STXBP5L: variants seen among roughly 807,000 people sequenced by gnomAD.
STXBP5L encodes the protein syntaxin binding protein 5L, also known as syntaxin-binding protein 5-like.
In STXBP5L, 65 loss-of-function variants were observed where a neutral mutation model predicts 144.5. The ratio of observed to expected loss-of-function variants is 0.45; its 90% CI spans 0.37 to 0.55. The LOEUF is 0.55. STXBP5L is among the 20% of genes least tolerant of loss of function. STXBP5L has a pLI of 0.00. For synonymous variants in STXBP5L, 505 were observed against 469.6 expected (o/e 1.08, Z -0.97); for missense variants, 1,298 against 1,405.5 (o/e 0.92, Z 1.22).
intron 3 of STXBP5L, among the ~76,000 whole-genome samples, chr3:120,984,275 C>T (rs758295618): frequency 2.0e-5 from 3 of 152,170 alleles, no homozygotes; most frequent in Admixed American, 6.5e-5. Context: ...TTTTCTTTTA[C>T]CAGTAATGGC....
At chr3:121,234,371 T>C (rs1577269514) in intron 12 of STXBP5L, among the ~76,000 whole-genome samples, 1 of 152,314 alleles carries the variant, frequency 6.6e-6, no homozygotes, top group Middle Eastern at 3.4e-3. Context: ...TTCTTATTAA[T>C]ATCTGTAAGA....
chr3:121,368,246 C>G (rs755398276), intron 20 of STXBP5L, among the ~76,000 whole-genome samples: 4 of 152,056 alleles, frequency 2.6e-5, no homozygotes, highest in Non-Finnish European at 5.9e-5. Context: ...TCTGTCTGCT[C>G]AAATCTGCCT....
At chr3:121,000,068 A>G (rs1293660441) in intron 3 of STXBP5L, among the ~76,000 whole-genome samples, 2 of 152,100 alleles carry the variant, frequency 1.3e-5, no homozygotes, top group East Asian at 3.9e-4. Context: ...AGCTTGGGGA[A>G]TCTGATGACT....
intron 3 of STXBP5L, among the ~76,000 whole-genome samples, chr3:120,961,077 C>G (rs1463156864): frequency 6.6e-6 from 1 of 151,924 alleles, no homozygotes; most frequent in Non-Finnish European, 1.5e-5. Context: ...AGAAATTTAT[C>G]AATTTCTTTG....
At chr3:121,224,870 G>A (rs1218546680) in intron 11 of STXBP5L, among the ~76,000 whole-genome samples, 2 of 152,136 alleles carry the variant, frequency 1.3e-5, no homozygotes, top group Non-Finnish European at 2.9e-5. Flanking sequence ...TGCCTCCTAT[G>A]AAAAGCCTTG....
chr3:121,306,180 A>C (rs1217704670), intron 19 of STXBP5L, among the ~76,000 whole-genome samples: 1 of 152,170 alleles, frequency 6.6e-6, no homozygotes, highest in East Asian at 1.9e-4. Flanking sequence ...ATTCAAGAAA[A>C]TCTACTGAAA....
chr3:121,176,936 G>A (rs1340661797), intron 9 of STXBP5L, among the ~76,000 whole-genome samples: 3 of 151,914 alleles, frequency 2.0e-5, no homozygotes, highest in African/African-American at 7.2e-5. Context: ...AATTATAATT[G>A]AGATAGCTTT....
intron 20 of STXBP5L, among the ~76,000 whole-genome samples, chr3:121,369,784 T>C (rs116615204): frequency 1.3e-5 from 2 of 152,242 alleles, no homozygotes; most frequent in Admixed American, 1.3e-4. Context: ...TTCATTCATT[T>C]TGATGTTGGG....
rs1439874241 is a variant in STXBP5L at position 121,115,049 on chromosome 3, G to A, written c.595G>A (p.Ala199Thr). The A allele has an allele frequency of 1.9e-6, 3 of 1,600,166 alleles. No individual in the cohort carries two copies. Among genetic ancestry groups the A allele is most frequent in the Non-Finnish European group, 2.6e-6 (3 of 1,175,556 alleles). Residue 199 changes from alanine (A) to threonine (T), a missense_variant, in exon 6 of 27, where the codon GCA becomes ACA. Physicochemically the swap from Ala to Thr is moderately conservative, Grantham distance 58 (BLOSUM62 0). Transcript: ENST00000471454. ...LSGYVIMWNK[A>T]IELSTKTHPG... The stretch of plus-strand genomic sequence containing the variant: ...TGGATATGTTATCATGTGGAACAAG[G>A]CAATTGAACTGTAAGTTTGAACTTG...
intron 5 of STXBP5L, among the ~76,000 whole-genome samples, chr3:121,082,468 AG>A (rs1372542446): frequency 1.3e-5 from 2 of 152,214 alleles, no homozygotes; most frequent in East Asian, 3.9e-4. Context: ...TGAACTCACT[AG>A]TAAGTTTCAG....
chr3:121,234,023 A>G (rs950624008), intron 12 of STXBP5L, among the ~76,000 whole-genome samples: 4 of 152,188 alleles, frequency 2.6e-5, no homozygotes, highest in African/African-American at 7.2e-5. Context: ...AAAATGACAC[A>G]TGATAGAAGT....
intron 24 of STXBP5L, among the ~76,000 whole-genome samples, chr3:121,414,071 A>G (rs942510558): frequency 1.3e-5 from 2 of 152,172 alleles, no homozygotes; most frequent in African/African-American, 4.8e-5. Context: ...GACTGAGCTC[A>G]GTGCCTGGAA....
At chr3:121,128,491 G>T (rs1286902446) in intron 7 of STXBP5L, among the ~76,000 whole-genome samples, 1 of 152,082 alleles carries the variant, frequency 6.6e-6, no homozygotes, top group Non-Finnish European at 1.5e-5. Flanking sequence ...GAAAATATTA[G>T]CATATTTGAG....
chr3:120,966,169 A>AG (rs1939548170), intron 3 of STXBP5L, among the ~76,000 whole-genome samples: 1 of 152,198 alleles, frequency 6.6e-6, no homozygotes, highest in South Asian at 2.1e-4. Flanking sequence ...TATTCTAGTT[A>AG]GCCATTCATC....
rs2047325115 is a variant in STXBP5L, at chr3:121,420,147, T to C, written c.*1050T>C. ...CATTCACAAACCAAACTGGTCATTC[T>C]CTTTAGTGTGATTCAGTAAAATCTC... On this transcript the variant is annotated 3_prime_UTR_variant, in exon 27 of 27. Coordinates refer to ENST00000471454, the MANE Select transcript of STXBP5L (RefSeq NM_001308330.2). 1.3e-5 allele frequency: 2 copies of C among 152,202 alleles called. No homozygotes were observed. Among genetic ancestry groups the C allele is most frequent in the Non-Finnish European group, 2.9e-5 (2 of 68,036 alleles). The allele number at this position is 152,202 out of a possible 1,614,324, so 9.4% of individuals were successfully genotyped here. A position where few individuals can be genotyped will look rare whatever the true frequency, so the allele number is the denominator to read the frequency against.
At chr3:121,338,210 C>A (rs753810114) in intron 20 of STXBP5L, among the ~76,000 whole-genome samples, 1 of 151,768 alleles carries the variant, frequency 6.6e-6, no homozygotes, top group African/African-American at 2.4e-5. Context: ...AAGATCAGAG[C>A]AGAACTAAAT....
chr3:121,138,933 T>C (rs559920502), intron 7 of STXBP5L, among the ~76,000 whole-genome samples: 2 of 151,954 alleles, frequency 1.3e-5, no homozygotes, highest in African/African-American at 2.4e-5. Context: ...AATGTTCGCA[T>C]AGCAAAGGAA....
chr3:120,999,847 T>C (rs1480037690), intron 3 of STXBP5L, among the ~76,000 whole-genome samples: 1 of 152,182 alleles, frequency 6.6e-6, no homozygotes, highest in Non-Finnish European at 1.5e-5. Flanking sequence ...TATTTGCTTG[T>C]CTGAAAAATA....
intron 7 of STXBP5L, among the ~76,000 whole-genome samples, chr3:121,151,918 ATATTT>A (rs1247342004): frequency 4.6e-5 from 7 of 151,534 alleles, no homozygotes; most frequent in African/African-American, 1.2e-4. Context: ...TTTTAAAGAA[ATATTT>A]TATTAATCAT....
Sources: allele counts gnomAD v4.1 joint callset (sites outside exome capture counted in the v4.1 genomes callset), GRCh38; gene constraint gnomAD v4.1.1; transcripts MANE v1.5; gene names NCBI Gene and HGNC (gene_info 2026-07-23, HGNC 2026-07-21).